The following CMIP variants were observed in gnomAD, a reference collection of about 807,000 sequenced individuals.
CMIP encodes c-Maf inducing protein, also known as C-Maf-inducing protein.
CMIP carries 13 observed loss-of-function variants against 97.3 expected under a neutral mutation model. That is an observed-to-expected ratio of 0.13 (90% CI 0.09 to 0.21). The LOEUF (loss-of-function observed/expected upper bound fraction) is 0.21, where lower values mean the gene tolerates loss of function less well. CMIP is among the 10% of genes least tolerant of loss of function. The pLI is 1.00. For synonymous variants in CMIP, 538 were observed against 436.3 expected, an observed-to-expected ratio of 1.23 and a Z score of -2.91; for missense variants, 847 against 1,024.9, an observed-to-expected ratio of 0.83 and a Z score of 2.37.
intron 10 of CMIP, among the ~76,000 whole-genome samples, chr16:81,684,349 C>T (rs1265232581): frequency 6.6e-6 from 1 of 152,240 alleles, no homozygotes; most frequent in Admixed American, 6.5e-5. Context: ...TCTGAATGTG[C>T]CCCCACAGGG....
At chr16:81,507,793 C>A (rs935166824) in intron 1 of CMIP, among the ~76,000 whole-genome samples, 1 of 152,142 alleles carries the variant, frequency 6.6e-6, no homozygotes, top group African/African-American at 2.4e-5. Flanking sequence ...TGCGTTTGCC[C>A]TGCTTTATAT....
chr16:81,626,447 A>T (rs1019364132), intron 3 of CMIP, among the ~76,000 whole-genome samples: 2 of 111,308 alleles, frequency 1.8e-5, no homozygotes, highest in Non-Finnish European at 4.2e-5. Flanking sequence ...TGACTATCTT[A>T]TGAGTGTGTG....
intron 1 of CMIP, among the ~76,000 whole-genome samples, chr16:81,561,811 G>C (rs1407657616): frequency 6.6e-6 from 1 of 152,218 alleles, no homozygotes; most frequent in Non-Finnish European, 1.5e-5. Context: ...TGAAAATTCA[G>C]TTCCTCAGTT....
chr16:81,452,404 T>C (rs1193306200), intron 1 of CMIP, among the ~76,000 whole-genome samples: 2 of 152,118 alleles, frequency 1.3e-5, no homozygotes, highest in Non-Finnish European at 2.9e-5. Context: ...AGCAGTTAAG[T>C]GTCACCGTTC....
intron 1 of CMIP, among the ~76,000 whole-genome samples, chr16:81,500,583 G>C (rs1321547688): frequency 1.3e-5 from 2 of 151,256 alleles, no homozygotes; most frequent in Non-Finnish European, 2.9e-5. Context: ...CTGCCTCCCG[G>C]GTTGAAGTGA....
intron 7 of CMIP, among the ~76,000 whole-genome samples, chr16:81,669,037 CCACA>C (rs1327013304): frequency 6.8e-6 from 1 of 146,268 alleles, no homozygotes; most frequent in Non-Finnish European, 1.5e-5. Flanking sequence ...TCCACACCCA[CCACA>C]CTCTCCTCCT....
At chr16:81,585,474 C>G (rs192435042) in intron 1 of CMIP, among the ~76,000 whole-genome samples, 43 of 152,292 alleles carry the variant, frequency 2.8e-4, no homozygotes, top group Admixed American at 2.8e-3. Context: ...AGCAGTCAGC[C>G]CTGCTCCCCT....
intron 1 of CMIP, among the ~76,000 whole-genome samples, chr16:81,594,561 C>T (rs574392782): frequency 5.3e-5 from 8 of 152,238 alleles, no homozygotes; most frequent in African/African-American, 1.9e-4. Flanking sequence ...GTACTAAATC[C>T]TATATACACT....
intron 1 of CMIP, among the ~76,000 whole-genome samples, chr16:81,445,841 C>A (rs1240735080): frequency 6.6e-6 from 1 of 151,480 alleles, no homozygotes; most frequent in Non-Finnish European, 1.5e-5. Flanking sequence ...TTTCTGGTGG[C>A]TGGGACTCGA....
chr16:81,639,618 G>C (rs903895477), intron 3 of CMIP, among the ~76,000 whole-genome samples: 1 of 152,192 alleles, frequency 6.6e-6, no homozygotes. Context: ...GCAGTGAATG[G>C]GTAGACCACA....
intron 1 of CMIP, among the ~76,000 whole-genome samples, chr16:81,595,410 A>G (rs2091538998): frequency 7.2e-6 from 1 of 139,088 alleles, no homozygotes; most frequent in East Asian, 2.1e-4. Context: ...TTTTTCTGAG[A>G]CAGAGTCTTG....
At chr16:81,656,449 CTG>C (rs1454137720) in intron 4 of CMIP, among the ~76,000 whole-genome samples, 3 of 152,348 alleles carry the variant, frequency 2.0e-5, no homozygotes, top group Non-Finnish European at 2.9e-5. Context: ...ATTGGCACCA[CTG>C]TGTGTCCACC....
chr16:81,679,888 C>A (rs556794263), intron 10 of CMIP, among the ~76,000 whole-genome samples: 3 of 152,166 alleles, frequency 2.0e-5, no homozygotes, highest in Non-Finnish European at 4.4e-5. Context: ...CTTCTGCCCC[C>A]CACAGAGCCA....
intron 1 of CMIP, among the ~76,000 whole-genome samples, chr16:81,510,662 GT>G (rs1001920164): frequency 6.6e-6 from 1 of 151,152 alleles, no homozygotes; most frequent in Non-Finnish European, 1.5e-5. Flanking sequence ...CAAGACCAAT[GT>G]TTTTTTTTCC....
chr16:81,676,259 C>T (rs1904306334), intron 9 of CMIP, among the ~76,000 whole-genome samples: 1 of 152,128 alleles, frequency 6.6e-6, no homozygotes, highest in African/African-American at 2.4e-5. Context: ...CTGGATATCA[C>T]CCAGAGAAGC....
At chr16:81,567,531 A>C (rs895306964) in intron 1 of CMIP, among the ~76,000 whole-genome samples, 4 of 152,218 alleles carry the variant, frequency 2.6e-5, no homozygotes, top group African/African-American at 9.6e-5. Flanking sequence ...AAGGGATGCC[A>C]CGTCTCTGGG....
chr16:81,449,135 T>A (rs1287336468), intron 1 of CMIP, among the ~76,000 whole-genome samples: 1 of 152,278 alleles, frequency 6.6e-6, no homozygotes, highest in African/African-American at 2.4e-5. Flanking sequence ...ATAAGCTGCC[T>A]ACCTTTTATT....
chr16:81,612,874 C>T (rs1405819214), intron 2 of CMIP, among the ~76,000 whole-genome samples: 1 of 152,118 alleles, frequency 6.6e-6, no homozygotes, highest in Admixed American at 6.5e-5. Flanking sequence ...GGATTCTCCT[C>T]AGAGTGACCC....
intron 1 of CMIP, among the ~76,000 whole-genome samples, chr16:81,512,499 C>T (rs961691131): frequency 1.3e-5 from 2 of 152,120 alleles, no homozygotes; most frequent in Non-Finnish European, 2.9e-5. Context: ...TGGGATCATC[C>T]GAAGAAGGGC....
Sources: allele counts gnomAD v4.1 joint callset (sites outside exome capture counted in the v4.1 genomes callset), GRCh38; gene constraint gnomAD v4.1.1; transcripts MANE v1.5; gene names NCBI Gene and HGNC (gene_info 2026-07-23, HGNC 2026-07-21).